SVIL: variants seen among roughly 807,000 people sequenced by gnomAD.
SVIL encodes the protein archvillin.
Under a neutral mutation model 240.4 loss-of-function variants are expected in SVIL, and 101 were observed. The observed-to-expected ratio is 0.42, with a 90% CI of 0.36 to 0.50. The LOEUF (loss-of-function observed/expected upper bound fraction) is 0.50, where lower values mean the gene tolerates loss of function less well. Ranked by LOEUF, SVIL falls within the 20% of genes least tolerant of loss-of-function variation. SVIL has a pLI of 0.01. For missense variants in SVIL, 2,512 were observed against 2,818.7 expected, an observed-to-expected ratio of 0.89 and a Z score of 2.46; for synonymous variants, 999 against 1,100.0, an observed-to-expected ratio of 0.91 and a Z score of 1.82.
rs1952981484 is a variant in SVIL at position 29,549,176 on chromosome 10, A to AAC, written c.827+1420_827+1421insGT. Reference sequence around the variant, plus strand: ...AACTCAAACAAATTTACAAAAAAAAAAACAAACAAACAACCCCATCAAAAA... The same window carrying AAC: ...AACTCAAACAAATTTACAAAAAAAAAACAACAAACAAACAACCCCATCAAAAA... On this transcript the variant is annotated intron_variant, in intron 6 of 37. Coordinates refer to ENST00000355867, the MANE Select transcript of SVIL (RefSeq NM_021738.3). Among the ~76,000 whole-genome samples, 17 of 118,312 alleles carry AAC rather than the reference A, an allele frequency of 1.4e-4. No homozygotes were observed. In the South Asian group the frequency reaches 4.4e-3, roughly 30 times the overall value. 77.6% of individuals were successfully genotyped at this position (118,312 alleles called of 152,430 possible). A position where few individuals can be genotyped will look rare whatever the true frequency, so the allele number is the denominator to read the frequency against.
chr10:29,664,224 T>G (rs539557948), intron 2 of SVIL, among the ~76,000 whole-genome samples: 8 of 152,308 alleles, frequency 5.3e-5, no homozygotes, highest in Non-Finnish European at 1.2e-4. Flanking sequence ...ATTCTCAACT[T>G]TAAGAATCTC....
At chr10:29,604,911 G>C (rs1019132429) in intron 1 of SVIL, among the ~76,000 whole-genome samples, 1 of 117,096 alleles carries the variant, frequency 8.5e-6, no homozygotes, top group Non-Finnish European at 2.0e-5. Flanking sequence ...TGTGTGTACA[G>C]TATGGGGAAA....
intron 2 of SVIL, among the ~76,000 whole-genome samples, chr10:29,567,833 G>A (rs1195966793): frequency 1.3e-5 from 2 of 151,938 alleles, no homozygotes; most frequent in African/African-American, 2.4e-5. Context: ...TGGCTAACAC[G>A]GTGAAACCCC....
intron 23 of SVIL, chr10:29,487,719 G>C (rs1947546610): frequency 1.3e-5 from 2 of 159,254 alleles, no homozygotes; most frequent in African/African-American, 4.8e-5. Context: ...CTCTTCCCCT[G>C]GGGAGTTTCC....
At chr10:29,473,691 C>A in intron 30 of SVIL, 147 bp downstream of exon 30, 1 of 1,025,680 alleles carries the variant, frequency 9.7e-7, no homozygotes, top group South Asian at 1.6e-5. Flanking sequence ...CTGAGACCTG[C>A]AGAAGCCAGA....
At chr10:29,474,635 AAATAAATAAAGT>A (rs1945986491) in intron 29 of SVIL, among the ~76,000 whole-genome samples, 1 of 131,700 alleles carries the variant, frequency 7.6e-6, no homozygotes. Context: ...ATAAATAAAT[AAATAAATAAAGT>A]ATTTGGTGAC....
intron 16 of SVIL, among the ~76,000 whole-genome samples, chr10:29,518,717 A>G (rs1950374270): frequency 6.6e-6 from 1 of 152,084 alleles, no homozygotes; most frequent in Non-Finnish European, 1.5e-5. Flanking sequence ...TTAGCTGGTT[A>G]TGGTGGTGGG....
At chr10:29,707,903 A>G (rs1963003150) in intron 1 of SVIL, among the ~76,000 whole-genome samples, 1 of 152,158 alleles carries the variant, frequency 6.6e-6, no homozygotes, top group Admixed American at 6.5e-5. Context: ...AGTAAATATC[A>G]GGGCTGTGAT....
chr10:29,564,242 G>C (rs3758371), intron 2 of SVIL, among the ~76,000 whole-genome samples: 41,590 of 152,004 alleles, frequency 0.27, 5,776 homozygotes, highest in East Asian at 0.33. Flanking sequence ...TCAGTTTACA[G>C]ATCCGGAAAT....
intron 17 of SVIL, among the ~76,000 whole-genome samples, chr10:29,511,612 G>A (rs1363114086): frequency 1.3e-5 from 2 of 152,138 alleles, no homozygotes; most frequent in South Asian, 2.1e-4. Context: ...AATTTCACAC[G>A]GTGTGTGAAA....
intron 1 of SVIL, among the ~76,000 whole-genome samples, chr10:29,594,878 A>C (rs999620308): frequency 6.6e-6 from 1 of 152,174 alleles, no homozygotes; most frequent in African/African-American, 2.4e-5. Flanking sequence ...TTGAACCTGA[A>C]ACTGCTCTAA....
chr10:29,551,134 C>T lies in SVIL; in HGVS notation c.290G>A (p.Ser97Asn). The T allele has an allele frequency of 6.2e-7, 1 of 1,614,150 alleles. No homozygotes were observed. The highest frequency in any genetic ancestry group is 8.5e-7 in the Non-Finnish European group (1 of 1,180,028). ...AATTCTTTCGGCTTTGGACTCCAGA[C>T]TGTGGGTGTCCATGGTACCCGAACC... ...PYGSGTMDTH[S>N]LESKAERIAR... Residue 97 changes from serine to asparagine, a missense_variant, in exon 6 of 38, where the codon AGT becomes AAT. Around this residue, in one of 3 missense-constraint regions of SVIL, gnomAD observed 1,443 missense variants for 1,486.6 expected, o/e 0.97. Transcript: ENST00000355867.
At chr10:29,609,177 C>T (rs759075430) in intron 1 of SVIL, among the ~76,000 whole-genome samples, 3 of 152,204 alleles carry the variant, frequency 2.0e-5, no homozygotes, top group Admixed American at 6.5e-5. Context: ...TTCCTAGACA[C>T]AGGACAAGAA....
At chr10:29,517,471 G>T (rs1223049515) in intron 16 of SVIL, among the ~76,000 whole-genome samples, 1 of 152,054 alleles carries the variant, frequency 6.6e-6, no homozygotes, top group Non-Finnish European at 1.5e-5. Context: ...AAAGGAGGGA[G>T]TAAAGGGGAA....
chr10:29,552,306 T>C (rs1474871056), intron 5 of SVIL, among the ~76,000 whole-genome samples: 1 of 152,064 alleles, frequency 6.6e-6, no homozygotes, highest in East Asian at 1.9e-4. Context: ...CCTAGCACTT[T>C]GGGAGGCTGA....
chr10:29,633,448 T>C (rs1958187695), intron 1 of SVIL, among the ~76,000 whole-genome samples: 1 of 152,026 alleles, frequency 6.6e-6, no homozygotes, highest in Non-Finnish European at 1.5e-5. Context: ...TTACAATTCT[T>C]AACCACATCC....
intron 6 of SVIL, among the ~76,000 whole-genome samples, chr10:29,541,018 G>A (rs1322489451): frequency 2.0e-5 from 3 of 152,166 alleles, no homozygotes; most frequent in African/African-American, 7.2e-5. Context: ...GGCCCACAGG[G>A]CATTGTTTTG....
chr10:29,513,574 G>A (rs1360723161), intron 16 of SVIL, among the ~76,000 whole-genome samples: 3 of 152,046 alleles, frequency 2.0e-5, no homozygotes, highest in African/African-American at 7.2e-5. Context: ...AAGCCATGAA[G>A]CACTTACAGT....
At chr10:29,602,725 C>T (rs906078043) in intron 1 of SVIL, among the ~76,000 whole-genome samples, 2 of 151,970 alleles carry the variant, frequency 1.3e-5, no homozygotes, top group African/African-American at 4.8e-5. Context: ...GTGGCTCACG[C>T]CTGTAATCCC....
Sources: allele counts gnomAD v4.1 joint callset (sites outside exome capture counted in the v4.1 genomes callset), GRCh38; gene constraint gnomAD v4.1.1; regional missense constraint gnomAD v4.1.1; transcripts MANE v1.5; gene names NCBI Gene and HGNC (gene_info 2026-07-23, HGNC 2026-07-21).